Variants in MYL5 observed in about 807,000 individuals in gnomAD.
The protein encoded by MYL5 is myosin light chain 5.
MYL5 carries 28 observed loss-of-function variants against 20.8 expected under a neutral mutation model. That is an observed-to-expected ratio of 1.35 (90% confidence interval 1.00 to 1.84). The LOEUF (loss-of-function observed/expected upper bound fraction) is 1.84, where lower values mean the gene tolerates loss of function less well. MYL5 is among the 40% of genes most tolerant of loss of function. The pLI, the probability that MYL5 is intolerant of heterozygous loss-of-function variation, is 0.00. For synonymous variants in MYL5, 118 were observed against 87.4 expected, an observed-to-expected ratio of 1.35 and a Z score of -1.95; for missense variants, 274 against 227.3, an observed-to-expected ratio of 1.21 and a Z score of -1.32.
At position 679,872 on chromosome 4, in the gene MYL5, G is replaced by A. The variant is rs1248274637; in HGVS notation, c.188-42G>A. The A allele has an allele frequency of 2.5e-6, 4 of 1,577,734 alleles. No homozygotes were observed. In the African/African-American group the frequency reaches 4.1e-5, roughly 16 times the overall value. ...GGTCACCTGCTGGTGGCACAGGGCA[G>A]GCAACAAGCCCTGCCCTGTGATGCC... On this transcript the variant is annotated intron_variant, in intron 3 of 6. Coordinates refer to ENST00000400159, the Ensembl canonical transcript of MYL5.
upstream of MYL5, chr4:674,620 C>A: frequency 3.0e-6 from 1 of 337,760 alleles, no homozygotes; most frequent in Non-Finnish European, 5.5e-6. Context: ...GGCCGTGTGT[C>A]CACACCCCAG....
At chr4:681,686 C>T (rs866662891) in intron 6 of MYL5, 56 of 45,458 alleles carry the variant, frequency 1.2e-3, no homozygotes, top group African/African-American at 4.6e-3. Flanking sequence ...CGCCGCCCCG[C>T]CCCCTCCAGC....
upstream of MYL5, chr4:677,813 G>C (rs1738995953): frequency 2.8e-6 from 2 of 707,278 alleles, no homozygotes; most frequent in Non-Finnish European, 5.0e-6. Flanking sequence ...GGGGAGGCTG[G>C]GGGCCTTGCG....
At chr4:679,970 C>A in exon 4 of MYL5, 1 of 1,613,638 alleles carries the variant, frequency 6.2e-7, no homozygotes, top group South Asian at 1.1e-5. Context: ...GGCCTCGGGG[C>A]CCATCAACTT....
Position 681,887 on chromosome 4 carries a change from C to A in MYL5, c.421-6C>A. 1 of 1,314,864 alleles carries A rather than the reference C, an allele frequency of 7.6e-7. No homozygotes were observed. The allele number at this position is 1,314,864 out of a possible 1,614,324, so 81.4% of individuals were successfully genotyped here. A position where few individuals can be genotyped will look rare whatever the true frequency, so the allele number is the denominator to read the frequency against. ...CCGCAAGGAGCCCTTTCGCCCCCGCCCGCAGGTGGACCAGATGTTCCAGTT... is the reference window on the plus strand; with the variant it reads ...CCGCAAGGAGCCCTTTCGCCCCCGCACGCAGGTGGACCAGATGTTCCAGTT... On this transcript the variant is annotated splice_region_variant and splice_polypyrimidine_tract_variant and intron_variant, in intron 6 of 6. Coordinates refer to ENST00000400159, the Ensembl canonical transcript of MYL5.
At position 680,414 on chromosome 4, in the gene MYL5, T is replaced by C. The variant is rs949702296; in HGVS notation, c.293-95T>C. The C allele has an allele frequency of 1.2e-5, 15 of 1,281,694 alleles. No homozygotes were observed. In the South Asian group the frequency reaches 1.8e-4, roughly 15 times the overall value. 79.4% of individuals were successfully genotyped at this position (1,281,694 alleles called of 1,614,324 possible). ...TGGGCAGAGGCTTGGAGTCTCCCCC[T>C]GCTTGGGGCAGGGGTCTCCCCTCCT... On this transcript the variant is annotated intron_variant, in intron 4 of 6. Transcript: ENST00000400159.
exon 2 of MYL5, chr4:678,707 G>A: frequency 6.2e-7 from 1 of 1,612,240 alleles, no homozygotes; most frequent in Non-Finnish European, 8.5e-7. Flanking sequence ...CGGGCCCAGA[G>A]AGCCTCATCC....
chr4:677,543 G>A (rs931311777), upstream of MYL5, among the ~76,000 whole-genome samples: 4 of 152,234 alleles, frequency 2.6e-5, no homozygotes, highest in African/African-American at 7.2e-5. Flanking sequence ...TGTCACCAAG[G>A]CAGGGAGGGG....
intron 3 of MYL5, among the ~76,000 whole-genome samples, chr4:679,629 G>A (rs1025065157): frequency 6.6e-6 from 1 of 152,162 alleles, no homozygotes; most frequent in African/African-American, 2.4e-5. Flanking sequence ...CCTTCCTCTC[G>A]GCCCTGCTTA....
chr4:680,120 G>C, intron 4 of MYL5, 102 bp downstream of exon 6: 1 of 1,159,758 alleles, frequency 8.6e-7, no homozygotes, highest in Non-Finnish European at 1.2e-6. Flanking sequence ...CTCTGGAGAA[G>C]CCCTAGGGCC....
exon 1 of MYL5, chr4:678,028 T>C: frequency 1.9e-6 from 3 of 1,613,262 alleles, no homozygotes; most frequent in South Asian, 1.1e-5. Context: ...GAAGCAGGCA[T>C]GGTGAGCAGG....
upstream of MYL5, chr4:676,972 G>A: frequency 3.1e-6 from 3 of 975,130 alleles, no homozygotes; most frequent in Non-Finnish European, 3.7e-6. Context: ...TGTCCCTCAG[G>A]GGGTAGGACC....
At chr4:680,543 C>T in exon 5 of MYL5, 1 of 1,613,584 alleles carries the variant, frequency 6.2e-7, no homozygotes, top group Non-Finnish European at 8.5e-7. Flanking sequence ...TTAACGCCTT[C>T]AAGATGCTGG....
intron 1 of MYL5, 23 bp downstream of exon 3, chr4:678,052 C>G: frequency 6.2e-7 from 1 of 1,612,928 alleles, no homozygotes; most frequent in South Asian, 1.1e-5. Flanking sequence ...CCGTGCATGC[C>G]TGGGGCAGGC....
chr4:681,182 C>G, intron 6 of MYL5, 42 bp downstream of exon 8: 1 of 1,576,816 alleles, frequency 6.3e-7, no homozygotes, highest in Non-Finnish European at 8.6e-7. Context: ...GAGGGGAGGG[C>G]GGGGCTCCCG....
At chr4:679,869 G>A in intron 3 of MYL5, 45 bp from the exon 6 acceptor site, 1 of 1,559,260 alleles carries the variant, frequency 6.4e-7, no homozygotes, top group South Asian at 1.1e-5. Flanking sequence ...GTGGCACAGG[G>A]CAGGCAACAA....
At chr4:679,611 G>A (rs1002759761) in intron 3 of MYL5, among the ~76,000 whole-genome samples, 2 of 152,204 alleles carry the variant, frequency 1.3e-5, no homozygotes, top group African/African-American at 4.8e-5. Flanking sequence ...AGGGTCGCAA[G>A]TGACCCACCT....
intron 5 of MYL5, chr4:680,845 C>T: frequency 3.2e-6 from 2 of 634,306 alleles, no homozygotes; most frequent in South Asian, 3.9e-5. Flanking sequence ...TCCTGCTAGG[C>T]GCCGGGGAAA....
At chr4:681,458 C>T (rs1205026881) in intron 6 of MYL5, among the ~76,000 whole-genome samples, 1 of 143,112 alleles carries the variant, frequency 7.0e-6, no homozygotes, top group Non-Finnish European at 1.6e-5. Context: ...CGACGCGCCG[C>T]TCCCAGCCCC....
Sources: allele counts gnomAD v4.1 joint callset (sites outside exome capture counted in the v4.1 genomes callset), GRCh38; gene constraint gnomAD v4.1.1; transcripts MANE v1.5; gene names NCBI Gene and HGNC (gene_info 2026-07-23, HGNC 2026-07-21).